Variants in RBFOX1 observed in about 807,000 individuals in gnomAD.
RBFOX1 encodes the protein RNA binding protein fox-1 homolog 1.
Under a neutral mutation model 57.7 loss-of-function variants are expected in RBFOX1, and 8 were observed. The ratio of observed to expected loss-of-function variants is 0.14; its 90% CI spans 0.08 to 0.25. The LOEUF is 0.25. Among genes scored for constraint, RBFOX1 ranks in the 10% least tolerant of loss-of-function variants. The probability of loss-of-function intolerance (pLI) is 1.00; values close to 1 mark genes in which losing one functional copy is unlikely to be tolerated. For synonymous variants in RBFOX1, 326 were observed against 222.4 expected, an observed-to-expected ratio of 1.47 and a Z score of -4.15; for missense variants, 611 against 548.5, an observed-to-expected ratio of 1.11 and a Z score of -1.14.
rs1445324956 is a variant in RBFOX1 at position 7,228,441 on chromosome 16, G to T, written c.27+176343G>T. Among the ~76,000 whole-genome samples, 4 of 152,252 alleles carry T rather than the reference G, an allele frequency of 2.6e-5. No individual in the cohort carries two copies. The East Asian group carries it at 7.7e-4, about 29-fold the overall frequency. On this transcript the variant is annotated intron_variant, in intron 4 of 15. Coordinates refer to ENST00000550418, the MANE Select transcript of RBFOX1 (RefSeq NM_018723.4). ...AATCATTATGGCTCTCTTAATCAGA[G>T]TACCTACTATGTGGCTATTCTAAAT...
At chr16:6,646,087 T>C (rs2098532163) in intron 2 of RBFOX1, among the ~76,000 whole-genome samples, 1 of 84,768 alleles carries the variant, frequency 1.2e-5, no homozygotes, top group Admixed American at 1.4e-4. Context: ...AGCTCAAAAT[T>C]CATACTTAAC....
chr16:6,135,712 A>G (rs1474105199), intron 1 of RBFOX1, among the ~76,000 whole-genome samples: 1 of 151,446 alleles, frequency 6.6e-6, no homozygotes, highest in Non-Finnish European at 1.5e-5. Context: ...AAGTGGGAGT[A>G]GATTTAAACA....
At chr16:7,249,944 C>T (rs889167676) in intron 4 of RBFOX1, among the ~76,000 whole-genome samples, 1 of 152,218 alleles carries the variant, frequency 6.6e-6, no homozygotes, top group Non-Finnish European at 1.5e-5. Flanking sequence ...TTAAGAGACT[C>T]TTTCTCTAAA....
At chr16:6,679,113 C>G (rs976657572) in intron 3 of RBFOX1, among the ~76,000 whole-genome samples, 1 of 152,104 alleles carries the variant, frequency 6.6e-6, no homozygotes, top group African/African-American at 2.4e-5. Context: ...TTTCAACAGA[C>G]AAAATATGCA....
At chr16:5,866,443 A>G (rs562183219) in intron 3 of RBFOX1, among the ~76,000 whole-genome samples, 28 of 152,358 alleles carry the variant, frequency 1.8e-4, no homozygotes, top group Middle Eastern at 3.4e-3. Context: ...AGATAGGACA[A>G]TATGGCTGAG....
At chr16:6,988,731 A>ATTTTTTTTTTTTTTTTTTT (rs111959126) in intron 3 of RBFOX1, among the ~76,000 whole-genome samples, 5 of 91,296 alleles carry the variant, frequency 5.5e-5, no homozygotes, top group African/African-American at 2.7e-4. Flanking sequence ...CACCCAGCTA[A>ATTTTTTTTTTTTTTTTTTT]TTTTTTTTTT....
At chr16:6,649,422 A>C (rs915250188) in intron 2 of RBFOX1, among the ~76,000 whole-genome samples, 30 of 152,266 alleles carry the variant, frequency 2.0e-4, no homozygotes, top group African/African-American at 7.0e-4. Context: ...TTACATGAAC[A>C]AGTTCTTCAG....
chr16:6,057,443 C>A (rs1480551932), intron 1 of RBFOX1, among the ~76,000 whole-genome samples: 4 of 152,058 alleles, frequency 2.6e-5, no homozygotes, highest in Admixed American at 6.6e-5. Context: ...ATGCCTCATT[C>A]ATTCATTTAT....
intron 4 of RBFOX1, among the ~76,000 whole-genome samples, chr16:7,374,098 C>G (rs1003220427): frequency 6.6e-6 from 1 of 152,106 alleles, no homozygotes; most frequent in African/African-American, 2.4e-5. Context: ...TTTTCTGCAG[C>G]TCTGATGGTG....
At chr16:7,375,337 G>A (rs1292650420) in intron 4 of RBFOX1, among the ~76,000 whole-genome samples, 1 of 152,054 alleles carries the variant, frequency 6.6e-6, no homozygotes, top group Non-Finnish European at 1.5e-5. Flanking sequence ...ATGTGTTTTT[G>A]CTTCTGATAA....
At chr16:6,925,247 C>G (rs893007277) in intron 3 of RBFOX1, among the ~76,000 whole-genome samples, 1 of 145,528 alleles carries the variant, frequency 6.9e-6, no homozygotes, top group African/African-American at 2.5e-5. Context: ...AATTGTCGTA[C>G]CTCAGTCTCC....
intron 3 of RBFOX1, among the ~76,000 whole-genome samples, chr16:6,859,447 G>C (rs1043615619): frequency 6.6e-6 from 1 of 151,856 alleles, no homozygotes; most frequent in Non-Finnish European, 1.5e-5. Flanking sequence ...GTTCATCAGA[G>C]AACTTGATAA....
At chr16:7,122,661 A>T (rs888132821) in intron 4 of RBFOX1, among the ~76,000 whole-genome samples, 3 of 152,132 alleles carry the variant, frequency 2.0e-5, no homozygotes, top group East Asian at 1.9e-4. Context: ...ACATTTTGAC[A>T]GTCCGTTACA....
chr16:7,303,771 CTCTCTCTCTCTG>C (rs1415739706), intron 4 of RBFOX1, among the ~76,000 whole-genome samples: 5 of 151,274 alleles, frequency 3.3e-5, no homozygotes, highest in Non-Finnish European at 5.9e-5. Flanking sequence ...CTCTCTCTCT[CTCTCTCTCTCTG>C]TCTCTCCCCT....
intron 1 of RBFOX1, among the ~76,000 whole-genome samples, chr16:6,242,520 C>T (rs911734081): frequency 2.0e-5 from 3 of 151,648 alleles, no homozygotes; most frequent in Non-Finnish European, 2.9e-5. Flanking sequence ...TGAGCTACAG[C>T]GCCTGGCCTG....
chr16:7,432,199 T>C (rs1324289831), intron 4 of RBFOX1, among the ~76,000 whole-genome samples: 1 of 152,232 alleles, frequency 6.6e-6, no homozygotes, highest in African/African-American at 2.4e-5. Context: ...GAAATGTGGC[T>C]GTCTGACTTT....
At chr16:5,742,307 C>A (rs2052802717) in intron 3 of RBFOX1, among the ~76,000 whole-genome samples, 1 of 142,174 alleles carries the variant, frequency 7.0e-6, no homozygotes, top group African/African-American at 2.5e-5. Context: ...TCCCTCCCTT[C>A]CTCCCTCCCT....
At chr16:6,977,494 T>C (rs116268459) in intron 3 of RBFOX1, among the ~76,000 whole-genome samples, 2,857 of 152,122 alleles carry the variant, frequency 0.019, 100 homozygotes, top group African/African-American at 0.064. Flanking sequence ...GCCCAGCAAG[T>C]CCCAGCCTCA....
intron 4 of RBFOX1, among the ~76,000 whole-genome samples, chr16:7,418,992 C>G (rs1025473830): frequency 6.6e-6 from 1 of 152,116 alleles, no homozygotes; most frequent in Non-Finnish European, 1.5e-5. Flanking sequence ...GCACCCTTGA[C>G]CTCCCGGGCT....
Sources: allele counts gnomAD v4.1 joint callset (sites outside exome capture counted in the v4.1 genomes callset), GRCh38; gene constraint gnomAD v4.1.1; transcripts MANE v1.5; gene names NCBI Gene and HGNC (gene_info 2026-07-23, HGNC 2026-07-21).